The following KIF20B variants were observed in gnomAD, a reference collection of about 807,000 sequenced individuals.
KIF20B encodes the protein kinesin family member 20B.
Under a neutral mutation model 232.5 loss-of-function variants are expected in KIF20B, and 188 were observed. The observed-to-expected ratio is 0.81, with a 90% CI of 0.72 to 0.91. KIF20B has a LOEUF of 0.91. KIF20B is among the 40% of genes least tolerant of loss of function. KIF20B has a pLI of 0.00. For synonymous variants in KIF20B, 712 were observed against 683.0 expected (o/e 1.04, Z -0.66); for missense variants, 2,154 against 2,055.9 (o/e 1.05, Z -0.92).
intron 21 of KIF20B, among the ~76,000 whole-genome samples, chr10:89,741,048 G>A (rs888905285): frequency 6.6e-6 from 1 of 152,130 alleles, no homozygotes; most frequent in Non-Finnish European, 1.5e-5. Context: ...AATATATAAT[G>A]AAGCAATTAT....
chr10:89,724,370 T>C (rs1343275861), intron 14 of KIF20B, among the ~76,000 whole-genome samples: 3 of 151,960 alleles, frequency 2.0e-5, no homozygotes, highest in Admixed American at 6.6e-5. Context: ...GTACTAAAAA[T>C]AGAAAAATTA....
intron 13 of KIF20B, among the ~76,000 whole-genome samples, chr10:89,721,469 CA>C (rs1843054962): frequency 6.6e-6 from 1 of 152,020 alleles, no homozygotes; most frequent in Non-Finnish European, 1.5e-5. Context: ...CTCAGGAGTT[CA>C]AAACTAGCCT....
intron 21 of KIF20B, among the ~76,000 whole-genome samples, chr10:89,742,557 C>T (rs1034448768): frequency 1.3e-5 from 2 of 152,066 alleles, no homozygotes; most frequent in African/African-American, 2.4e-5. Context: ...TACTTGAAGC[C>T]TCATTTTTTT....
At chr10:89,736,148 A>G (rs2133124558) in intron 19 of KIF20B, among the ~76,000 whole-genome samples, 1 of 152,340 alleles carries the variant, frequency 6.6e-6, no homozygotes, top group African/African-American at 2.4e-5. Context: ...CAAACATCAT[A>G]TAAACATCAA....
At chr10:89,712,063 A>AT (rs1842845603) in intron 6 of KIF20B, among the ~76,000 whole-genome samples, 1 of 149,738 alleles carries the variant, frequency 6.7e-6, no homozygotes, top group South Asian at 2.1e-4. Flanking sequence ...ACATCTTAGA[A>AT]TTTTTTCCTG....
chr10:89,762,562 T>G, intron 28 of KIF20B, 76 bp from the exon 29 acceptor site: 1 of 1,110,268 alleles, frequency 9.0e-7, no homozygotes, highest in Non-Finnish European at 1.3e-6. Flanking sequence ...GGATAGGCAT[T>G]TGAGAGAATT....
At position 89,723,967 on chromosome 10, in the gene KIF20B, CTG is replaced by C; in HGVS notation, c.1728_1729del (p.Leu577GlyfsTer13). 6.6e-7 allele frequency: 1 copy of C among 1,524,052 alleles called. No individual in the cohort carries two copies. The highest frequency in any genetic ancestry group is 8.8e-7 in the Non-Finnish European group (1 of 1,131,188). 94.4% of individuals were successfully genotyped at this position (1,524,052 alleles called of 1,614,324 possible). On this transcript the variant is annotated frameshift_variant, in exon 14 of 33. Coordinates refer to ENST00000371728, the MANE Select transcript of KIF20B (RefSeq NM_001284259.2). LOFTEE classifies it high-confidence loss of function. ...AFISHEEKRK[L>X]LDLIEDLKKK... ...TTTTATCATTTACATGTAATAGAAA[CTG>C]TTGGACTTAATAGAAGACTTGAAAA...
chr10:89,707,441 G>T (rs1405880589), intron 2 of KIF20B, among the ~76,000 whole-genome samples: 1 of 151,872 alleles, frequency 6.6e-6, no homozygotes, highest in South Asian at 2.1e-4. Context: ...TCTAAATAAA[G>T]AAAATTTTAT....
At chr10:89,754,177 CA>C (rs561502817) in intron 25 of KIF20B, among the ~76,000 whole-genome samples, 73 of 151,288 alleles carry the variant, frequency 4.8e-4, no homozygotes, top group African/African-American at 1.7e-3. Context: ...ATGACCACCA[CA>C]AACAAAGTCT....
At chr10:89,759,696 A>G (rs1842198599) in intron 27 of KIF20B, among the ~76,000 whole-genome samples, 1 of 152,118 alleles carries the variant, frequency 6.6e-6, no homozygotes, top group Non-Finnish European at 1.5e-5. Flanking sequence ...TAAAACAGGT[A>G]ATAGTGTTTT....
At chr10:89,714,797 A>G (rs1044640106) in intron 7 of KIF20B, among the ~76,000 whole-genome samples, 158 bp from the exon 8 acceptor site, 1 of 152,208 alleles carries the variant, frequency 6.6e-6, no homozygotes, top group Non-Finnish European at 1.5e-5. Flanking sequence ...TCCACATATT[A>G]TTTACATCTT....
At chr10:89,722,838 A>G (rs902954139) in intron 13 of KIF20B, among the ~76,000 whole-genome samples, 1 of 152,150 alleles carries the variant, frequency 6.6e-6, no homozygotes, top group Non-Finnish European at 1.5e-5. Context: ...ATCTAAATAT[A>G]AAGATCTCTC....
intron 26 of KIF20B, among the ~76,000 whole-genome samples, chr10:89,756,020 G>C (rs1284516351): frequency 1.3e-5 from 2 of 152,070 alleles, no homozygotes; most frequent in Non-Finnish European, 2.9e-5. Flanking sequence ...TTAAAATGAG[G>C]CTGTTGTGAG....
Position 89,738,063 on chromosome 10 carries a change from A to G in KIF20B, c.3222A>G (p.Lys1074=), listed in dbSNP as rs770460815. Residue 1074 remains lysine (K), a synonymous_variant, in exon 20 of 33, where the codon AAA becomes AAG. Transcript: ENST00000371728. ...CKEIVKASSK[K]SHQIEELEQQ... ...AGATTGTGAAGGCCTCTTCCAAAAA[A>G]AGTCATCAGATTGAGGAACTGGAAC... 6.2e-7 allele frequency: 1 copy of G among 1,613,412 alleles called. No individual in the cohort carries two copies. The highest frequency in any genetic ancestry group is 1.1e-5 in the South Asian group (1 of 91,058).
intron 4 of KIF20B, 100 bp from the exon 5 acceptor site, chr10:89,709,827 A>G (rs1480320410): frequency 2.1e-6 from 2 of 936,700 alleles, no homozygotes; most frequent in Non-Finnish European, 3.0e-6. Flanking sequence ...TATTTTAAGA[A>G]TGAATCTTTT....
At chr10:89,755,788 C>A (rs1281127813) in intron 26 of KIF20B, among the ~76,000 whole-genome samples, 1 of 152,040 alleles carries the variant, frequency 6.6e-6, no homozygotes, top group Non-Finnish European at 1.5e-5. Flanking sequence ...GGGACAGAGA[C>A]TTGCTGTGTT....
At chr10:89,770,704 C>T (rs903620146) in intron 31 of KIF20B, among the ~76,000 whole-genome samples, 1 of 151,186 alleles carries the variant, frequency 6.6e-6, no homozygotes, top group Admixed American at 6.6e-5. Context: ...TGTTTTGGGT[C>T]ACTTGGAAAT....
Position 89,758,801 on chromosome 10 carries a change from A to G in KIF20B, c.4599A>G (p.Leu1533=), listed in dbSNP as rs1187121318. Residue 1533 remains leucine (L), a synonymous_variant, in exon 27 of 33, where the codon CTA becomes CTG. Transcript: ENST00000371728. ...DQLVAALEIQ[L]KALISSNVQK... ...TGGTTGCAGCTTTAGAAATACAGCT[A>G]AAAGCACTGATATCCAGTAATGTAC... 9.3e-6 allele frequency: 15 copies of G among 1,607,536 alleles called. No homozygotes were observed. Among genetic ancestry groups the G allele is most frequent in the Non-Finnish European group, 1.3e-5 (15 of 1,176,460 alleles).
At chr10:89,734,453 C>A (rs1247935998) in intron 19 of KIF20B, among the ~76,000 whole-genome samples, 1 of 152,040 alleles carries the variant, frequency 6.6e-6, no homozygotes, top group African/African-American at 2.4e-5. Context: ...TATTAAAAAA[C>A]CTTGAGAACA....
Sources: allele counts gnomAD v4.1 joint callset (sites outside exome capture counted in the v4.1 genomes callset), GRCh38; gene constraint gnomAD v4.1.1; transcripts MANE v1.5; gene names NCBI Gene and HGNC (gene_info 2026-07-23, HGNC 2026-07-21).